MAPKAPK5: variants seen among roughly 807,000 people sequenced by gnomAD.
MAPKAPK5 encodes the protein MAPK activated protein kinase 5.
MAPKAPK5 carries 30 observed loss-of-function variants against 65.1 expected under a neutral mutation model. The observed-to-expected ratio is 0.46, with a 90% confidence interval of 0.34 to 0.63. The LOEUF is 0.63. MAPKAPK5 is among the 20% of genes least tolerant of loss of function. MAPKAPK5 has a pLI of 0.01. For synonymous variants in MAPKAPK5, 179 were observed against 204.6 expected (o/e 0.87, Z 1.07); for missense variants, 433 against 581.4 (o/e 0.74, Z 2.63).
chr12:111,849,279 T>G (rs1174791534), intron 1 of MAPKAPK5, among the ~76,000 whole-genome samples: 1 of 149,728 alleles, frequency 6.7e-6, no homozygotes, highest in Non-Finnish European at 1.5e-5. Context: ...TGAGACAAAG[T>G]CTTGCTGCTC....
chr12:111,859,290 G>A lies in MAPKAPK5; in HGVS notation c.37-5960G>A, dbSNP rs1253272506. On this transcript the variant is annotated intron_variant, in intron 1 of 13. Coordinates refer to ENST00000550735, the MANE Select transcript of MAPKAPK5 (RefSeq NM_003668.4). The stretch of plus-strand genomic sequence containing the variant: ...TCTGCTTAGTTTTAAATTATTATTA[G>A]TTTTTTCGAGACGGAGTCTCACTCT... Among the ~76,000 whole-genome samples the A allele has an allele frequency of 2.7e-5, 4 of 148,262 alleles. 1 individual carries two copies. Among genetic ancestry groups the A allele is most frequent in the Admixed American group, 1.3e-4 (2 of 15,012 alleles).
At chr12:111,857,829 A>G (rs1202111942) in intron 1 of MAPKAPK5, among the ~76,000 whole-genome samples, 1 of 150,606 alleles carries the variant, frequency 6.6e-6, no homozygotes, top group African/African-American at 2.4e-5. Context: ...GCTGTCCATG[A>G]TTTGTCATTT....
intron 1 of MAPKAPK5, among the ~76,000 whole-genome samples, chr12:111,848,126 A>G (rs959042955): frequency 5.3e-5 from 8 of 152,198 alleles, no homozygotes; most frequent in Non-Finnish European, 8.8e-5. Flanking sequence ...GCAGTATAGT[A>G]AATTTATGTT....
chr12:111,887,753 A>G (rs2070453283), intron 10 of MAPKAPK5: 1 of 151,914 alleles, frequency 6.6e-6, no homozygotes, highest in Non-Finnish European at 1.5e-5. Context: ...TGCCACAGTC[A>G]CACCCCTCAG....
Position 111,900,922 on chromosome 12 carries a change from AAG to A in MAPKAPK5, c.*7864_*7865del, listed in dbSNP as rs1422132244. ...GGATATGGTGCAAAATCAGCCTCACAAGAGTGTTACAATTCAATGAACAGCAA... is the reference window on the plus strand; with the variant it reads ...GGATATGGTGCAAAATCAGCCTCACAAGTGTTACAATTCAATGAACAGCAA... On this transcript the variant is annotated 3_prime_UTR_variant, in exon 14 of 14. Coordinates refer to ENST00000550735, the MANE Select transcript of MAPKAPK5 (RefSeq NM_003668.4). 2.9e-5 allele frequency: 13 copies of A among 448,778 alleles called. No homozygotes were observed. The highest frequency in any genetic ancestry group is 5.3e-5 in the Non-Finnish European group (12 of 224,752). The allele number at this position is 448,778 out of a possible 1,614,324, so 27.8% of individuals were successfully genotyped here. A position where few individuals can be genotyped will look rare whatever the true frequency, so the allele number is the denominator to read the frequency against.
At chr12:111,871,292 C>T in intron 7 of MAPKAPK5, 112 bp downstream of exon 7, 1 of 810,756 alleles carries the variant, frequency 1.2e-6, no homozygotes, top group Non-Finnish European at 2.0e-6. Context: ...AGGGGGAGAA[C>T]TTAGCTTTAG....
chr12:111,870,533 G>A (rs1204887293), intron 6 of MAPKAPK5, among the ~76,000 whole-genome samples, 173 bp downstream of exon 6: 40 of 152,162 alleles, frequency 2.6e-4, no homozygotes, highest in Non-Finnish European at 1.5e-5. Context: ...CTGTACTACT[G>A]TACTCCCGGC....
chr12:111,891,989 C>G (rs2070631947), intron 13 of MAPKAPK5, among the ~76,000 whole-genome samples: 2 of 152,106 alleles, frequency 1.3e-5, no homozygotes, highest in Non-Finnish European at 1.5e-5. Flanking sequence ...AAGGTAATCA[C>G]AGTCCTGATT....
chr12:111,870,222 AAG>A lies in MAPKAPK5; in HGVS notation c.394-46_394-45del, dbSNP rs774075452. 5 of 1,383,186 alleles carry A rather than the reference AAG, an allele frequency of 3.6e-6. No homozygotes were observed. The South Asian group carries it at 6.1e-5, about 17-fold the overall frequency. 85.7% of individuals were successfully genotyped at this position (1,383,186 alleles called of 1,614,324 possible). A position where few individuals can be genotyped will look rare whatever the true frequency, so the allele number is the denominator to read the frequency against. ...TGAGTTCTCTACGCCAGGTGTATTAAAGAGTGGTCTTTTCTAAGAAGCGACTG... is the reference window on the plus strand; with the variant it reads ...TGAGTTCTCTACGCCAGGTGTATTAAAGTGGTCTTTTCTAAGAAGCGACTG... On this transcript the variant is annotated intron_variant, in intron 5 of 13. Transcript: ENST00000550735.
intron 1 of MAPKAPK5, among the ~76,000 whole-genome samples, chr12:111,848,837 C>T (rs1428946152): frequency 6.6e-6 from 1 of 152,128 alleles, no homozygotes; most frequent in Non-Finnish European, 1.5e-5. Flanking sequence ...TCAAGCGATT[C>T]TCCTGCCTCA....
chr12:111,859,287 T>C (rs2069347474), intron 1 of MAPKAPK5, among the ~76,000 whole-genome samples: 1 of 148,752 alleles, frequency 6.7e-6, no homozygotes, highest in Non-Finnish European at 1.5e-5. Flanking sequence ...TAAATTATTA[T>C]TAGTTTTTTC....
intron 1 of MAPKAPK5, among the ~76,000 whole-genome samples, chr12:111,858,158 G>A (rs925527930): frequency 6.6e-6 from 1 of 152,146 alleles, no homozygotes; most frequent in African/African-American, 2.4e-5. Context: ...TCACCCTGCA[G>A]CCTCCCAAAG....
chr12:111,844,330 A>G (rs1475999296), intron 1 of MAPKAPK5, among the ~76,000 whole-genome samples: 1 of 151,610 alleles, frequency 6.6e-6, no homozygotes, highest in Non-Finnish European at 1.5e-5. Context: ...AGCTGGGACT[A>G]CAGGCACGTG....
In MAPKAPK5 at chr12:111,859,624, C is replaced by CTT. The variant is rs959474799; in HGVS notation, c.37-5620_37-5619dup. Among the ~76,000 whole-genome samples, 365 of 147,480 alleles carry CTT rather than the reference C, an allele frequency of 2.5e-3. 5 individuals carry two copies. The highest frequency in any genetic ancestry group is 8.6e-3 in the African/African-American group (343 of 39,724). Reference sequence around the variant, plus strand: ...TCCTACGCCTGTTATCCCAGCACTTCTTTTTTTCTTTTCTTTTCTTTGCTT... The same window carrying CTT: ...TCCTACGCCTGTTATCCCAGCACTTCTTTTTTTTTCTTTTCTTTTCTTTGCTT... On this transcript the variant is annotated intron_variant, in intron 1 of 13. Transcript: ENST00000550735.
At chr12:111,880,363 C>T in intron 7 of MAPKAPK5, 84 bp from the exon 8 acceptor site, 1 of 1,082,880 alleles carries the variant, frequency 9.2e-7, no homozygotes, top group Non-Finnish European at 1.4e-6. Flanking sequence ...TTACCTCCTT[C>T]AGTCTCATAG....
chr12:111,857,617 G>T (rs764181528), intron 1 of MAPKAPK5, among the ~76,000 whole-genome samples: 2 of 152,108 alleles, frequency 1.3e-5, no homozygotes, highest in African/African-American at 2.4e-5. Context: ...GGTAGTTCTT[G>T]TAGGCCAAGT....
chr12:111,883,855 G>C lies in MAPKAPK5; in HGVS notation c.848+87G>C. 1 of 1,368,768 alleles carries C rather than the reference G, an allele frequency of 7.3e-7. No homozygotes were observed. Among genetic ancestry groups the C allele is most frequent in the Non-Finnish European group, 9.9e-7 (1 of 1,013,260 alleles). The allele number at this position is 1,368,768 out of a possible 1,614,324, so 84.8% of individuals were successfully genotyped here. A position where few individuals can be genotyped will look rare whatever the true frequency, so the allele number is the denominator to read the frequency against. ...GAATGTGGGTAGAGAAAAGTCACTG[G>C]TTTCCTAGGCAGGCTCCTCCCCGTT... is the stretch of plus-strand genomic sequence containing the variant. On this transcript the variant is annotated intron_variant, in intron 9 of 13. Transcript: ENST00000550735. The surrounding 1 kb of genome is among the most constrained non-coding windows in gnomAD (Gnocchi z 4.8).
At chr12:111,892,834 A>T in intron 13 of MAPKAPK5, 133 bp from the exon 14 acceptor site, 1 of 506,090 alleles carries the variant, frequency 2.0e-6, no homozygotes, top group Non-Finnish European at 3.5e-6. Flanking sequence ...GCTTTTGATC[A>T]GTGGTGGGGG....
intron 1 of MAPKAPK5, among the ~76,000 whole-genome samples, chr12:111,851,687 G>A (rs2069089029): frequency 6.6e-6 from 1 of 152,234 alleles, no homozygotes; most frequent in South Asian, 2.1e-4. Flanking sequence ...CCAAGGAAGA[G>A]AATCCTGATA....
Sources: gnomAD v4.1 joint callset for allele counts (sites outside exome capture counted in the v4.1 genomes callset) on GRCh38, gnomAD v4.1.1 for gene constraint, Gnocchi (gnomAD v3.1) non-coding constraint, MANE v1.5 for transcripts, NCBI Gene and HGNC (gene_info 2026-07-23, HGNC 2026-07-21) for gene names.